The following DNAAF11 variants were observed in gnomAD, a reference collection of about 807,000 sequenced individuals.
The protein encoded by DNAAF11 is dynein axonemal assembly factor 11.
In DNAAF11, 45 loss-of-function variants were observed where a neutral mutation model predicts 60.8. The observed-to-expected ratio is 0.74, with a 90% CI of 0.58 to 0.95. DNAAF11 has a LOEUF of 0.95. DNAAF11 is among the 40% of genes least tolerant of loss of function. DNAAF11 has a pLI of 0.00. For synonymous variants in DNAAF11, 191 were observed against 183.5 expected (o/e 1.04, Z -0.33); for missense variants, 546 against 546.2 (o/e 1.00, Z 0.00).
intron 7 of DNAAF11, among the ~76,000 whole-genome samples, chr8:132,618,797 A>T (rs1205917312): frequency 6.6e-6 from 1 of 152,158 alleles, no homozygotes; most frequent in Non-Finnish European, 1.5e-5. Context: ...GTCAGGAAAC[A>T]ACAGGTGTTG....
the DNAAF11 span, chr8:132,687,717 C>A: frequency 1.1e-5 from 5 of 455,858 alleles, no homozygotes; most frequent in Admixed American, 1.2e-4. Flanking sequence ...GGTAAGAGCT[C>A]AGGGCCTGAA....
the DNAAF11 span, among the ~76,000 whole-genome samples, chr8:132,696,535 T>C: frequency 6.6e-6 from 1 of 152,150 alleles, no homozygotes; most frequent in African/African-American, 2.4e-5. Flanking sequence ...GGTGAATGGA[T>C]AAACAAATGT....
the DNAAF11 span, among the ~76,000 whole-genome samples, chr8:132,691,221 C>A: frequency 2.7e-5 from 4 of 150,066 alleles, no homozygotes; most frequent in African/African-American, 7.6e-5. Context: ...TTACTTTATA[C>A]TTTGGGTTAG....
intron 10 of DNAAF11, among the ~76,000 whole-genome samples, chr8:132,585,637 C>G (rs1402387347): frequency 1.3e-5 from 2 of 152,184 alleles, no homozygotes; most frequent in Non-Finnish European, 2.9e-5. Context: ...CACTACAAAA[C>G]TCATAGAAGT....
chr8:132,655,762 A>C (rs1823496345), intron 3 of DNAAF11, among the ~76,000 whole-genome samples: 1 of 152,210 alleles, frequency 6.6e-6, no homozygotes, highest in Non-Finnish European at 1.5e-5. Flanking sequence ...AATCAGAAGC[A>C]CAATAACATA....
At chr8:132,593,173 AAAG>A (rs1816635664) in intron 10 of DNAAF11, among the ~76,000 whole-genome samples, 1 of 151,686 alleles carries the variant, frequency 6.6e-6, no homozygotes. Flanking sequence ...AGCAAGATTA[AAAG>A]GAGGAGGAGA....
chr8:132,697,201 G>A, the DNAAF11 span, among the ~76,000 whole-genome samples: 5 of 152,192 alleles, frequency 3.3e-5, no homozygotes. Context: ...AAATGGCAGA[G>A]GGATCTTTTT....
Position 132,622,623 on chromosome 8 carries a change from A to G in DNAAF11, c.902T>C (p.Val301Ala). ...LITEDGKALNVNEPKIDFSLK... is the reference protein window; with the variant it reads ...LITEDGKALNANEPKIDFSLK... The stretch of plus-strand genomic sequence containing the variant: ...TGGCCTCACATACTTGGGCTCATTC[A>G]CATTTAGGGCTTTCCCATCTTCAGT... The change falls in exon 7 of 12, where the codon GTG (valine) becomes GCG (alanine). Residue 301 changes from valine to alanine, a missense_variant. Val to Ala is a moderately conservative substitution (Grantham distance 64). Coordinates refer to ENST00000620350, the MANE Select transcript of DNAAF11 (RefSeq NM_012472.6). The G allele has an allele frequency of 1.2e-6, 2 of 1,613,428 alleles. No individual in the cohort carries two copies. The highest frequency in any genetic ancestry group is 1.7e-6 in the Non-Finnish European group (2 of 1,179,678).
intron 4 of DNAAF11, among the ~76,000 whole-genome samples, chr8:132,636,078 A>G (rs1364127070): frequency 6.6e-6 from 1 of 151,912 alleles, no homozygotes; most frequent in Non-Finnish European, 1.5e-5. Flanking sequence ...AGTTTGCAGT[A>G]CTTTGTTACA....
At chr8:132,681,304 C>G in the DNAAF11 span, among the ~76,000 whole-genome samples, 2 of 149,578 alleles carry the variant, frequency 1.3e-5, no homozygotes, top group Non-Finnish European at 3.0e-5. Context: ...GCCACCACAC[C>G]CAGCCAACCA....
chr8:132,700,858 GA>G, the DNAAF11 span, among the ~76,000 whole-genome samples: 1 of 152,182 alleles, frequency 6.6e-6, no homozygotes, highest in Non-Finnish European at 1.5e-5. Flanking sequence ...AATCAGAATA[GA>G]AAACGAAGTG....
intron 10 of DNAAF11, among the ~76,000 whole-genome samples, chr8:132,599,527 A>C (rs1817377758): frequency 6.6e-6 from 1 of 152,246 alleles, no homozygotes; most frequent in Non-Finnish European, 1.5e-5. Context: ...AATCCTCAAA[A>C]AAATACTGGC....
rs138785227 is a variant in DNAAF11 at position 132,578,046 on chromosome 8, A to C, written c.1227-5566T>G. On this transcript the variant is annotated intron_variant, in intron 11 of 11. Coordinates refer to ENST00000620350, the MANE Select transcript of DNAAF11 (RefSeq NM_012472.6). ...ACCTTCATTATAGTCATTATAAATA[A>C]AGCCCTACTTTTTAATTATTATGTT... Among the ~76,000 whole-genome samples, 735 of 152,240 alleles carry C rather than the reference A, an allele frequency of 4.8e-3. 10 individuals are homozygous for C. Among genetic ancestry groups the C allele is most frequent in the African/African-American group, 0.017 (707 of 41,528 alleles).
intron 10 of DNAAF11, among the ~76,000 whole-genome samples, chr8:132,588,698 T>C (rs1816157959): frequency 6.6e-6 from 1 of 150,450 alleles, no homozygotes; most frequent in Non-Finnish European, 1.5e-5. Context: ...GTTCTCACAT[T>C]GCTATAAAGA....
In DNAAF11 at chr8:132,637,882, T is replaced by C. The variant is rs953548879; in HGVS notation, c.429+53A>G. 4 of 1,441,950 alleles carry C rather than the reference T, an allele frequency of 2.8e-6. No individual in the cohort carries two copies. In the African/African-American group the frequency reaches 4.3e-5, roughly 15 times the overall value. 89.3% of individuals were successfully genotyped at this position (1,441,950 alleles called of 1,614,324 possible). The stretch of plus-strand genomic sequence containing the variant: ...GCTGCCAGTAAAGCAGGAATTATTG[T>C]AGTTGCTCATGCTCATTTATCTGTG... On this transcript the variant is annotated intron_variant, in intron 4 of 11. Coordinates refer to ENST00000620350, the MANE Select transcript of DNAAF11 (RefSeq NM_012472.6).
chr8:132,689,285 G>A, the DNAAF11 span, among the ~76,000 whole-genome samples: 42,867 of 152,116 alleles, frequency 0.28, 6,344 homozygotes, highest in East Asian at 0.39. Context: ...AAGTACTTAC[G>A]AATGTCAGCT....
chr8:132,574,651 T>C (rs536924410), intron 11 of DNAAF11, among the ~76,000 whole-genome samples: 110 of 152,334 alleles, frequency 7.2e-4, no homozygotes, highest in Non-Finnish European at 1.4e-3. Context: ...CAATAAATCT[T>C]AGCCATGAGT....
At chr8:132,614,939 T>G (rs945529088) in intron 8 of DNAAF11, 99 bp downstream of exon 8, 12 of 701,918 alleles carry the variant, frequency 1.7e-5, no homozygotes, top group Non-Finnish European at 2.7e-5. Context: ...ACTATAGGTC[T>G]AAGTCAATTC....
chr8:132,580,350 G>A (rs1411118358), intron 11 of DNAAF11, among the ~76,000 whole-genome samples: 1 of 152,174 alleles, frequency 6.6e-6, no homozygotes, highest in Non-Finnish European at 1.5e-5. Flanking sequence ...GTGGTTCTTT[G>A]CAGGCATACA....
Sources: allele counts gnomAD v4.1 joint callset (sites outside exome capture counted in the v4.1 genomes callset), GRCh38; gene constraint gnomAD v4.1.1; transcripts MANE v1.5; gene names NCBI Gene and HGNC (gene_info 2026-07-23, HGNC 2026-07-21).